Variants in EXD3 observed in about 807,000 individuals in gnomAD.
EXD3 encodes exonuclease mut-7 homolog.
A neutral mutation model predicts 98.0 loss-of-function variants in EXD3; 92 were observed. The ratio of observed to expected loss-of-function variants is 0.94; its 90% confidence interval spans 0.79 to 1.12. EXD3 has a LOEUF of 1.12. Among genes scored for constraint, EXD3 ranks in the 50% most tolerant of loss-of-function variants. The pLI, the probability that EXD3 is intolerant of heterozygous loss-of-function variation, is 0.00. For missense variants in EXD3, 1,222 were observed against 1,191.6 expected, an observed-to-expected ratio of 1.03 and a Z score of -0.38; for synonymous variants, 569 against 526.0, an observed-to-expected ratio of 1.08 and a Z score of -1.12.
chr9:137,395,024 C>T lies in EXD3; in HGVS notation c.55+279G>A, dbSNP rs1045804923. 2.0e-5 allele frequency among the ~76,000 whole-genome samples: 3 copies of T among 152,126 alleles called. No individual in the cohort carries two copies. The highest frequency in any genetic ancestry group is 7.2e-5 in the African/African-American group (3 of 41,434). On this transcript the variant is annotated intron_variant, in intron 2 of 21. Transcript: ENST00000340951. The surrounding 1 kb of genome is among the most constrained non-coding windows in gnomAD (Gnocchi z 6.5). Reference sequence around the variant, plus strand: ...GCCCTGAGCAGCTGCACTGTCCCCGCCACCTCCCCCGGATCCTGTCACAGG... The same window carrying T: ...GCCCTGAGCAGCTGCACTGTCCCCGTCACCTCCCCCGGATCCTGTCACAGG...
chr9:137,422,275 G>T (rs1482671093), intron 1 of EXD3, among the ~76,000 whole-genome samples: 1 of 152,048 alleles, frequency 6.6e-6, no homozygotes, highest in Non-Finnish European at 1.5e-5. Flanking sequence ...ATCAAAAGGG[G>T]GGCAAATGAG....
At chr9:137,402,715 C>T (rs1224769843) in intron 1 of EXD3, among the ~76,000 whole-genome samples, 1 of 152,202 alleles carries the variant, frequency 6.6e-6, no homozygotes, top group African/African-American at 2.4e-5. Context: ...CAGCAATACC[C>T]CACTCCACTG....
rs994107170 is a variant in EXD3, at chr9:137,351,243, C to T, written c.1384+75G>A. 66 of 1,541,552 alleles carry T rather than the reference C, an allele frequency of 4.3e-5. 1 individual carries two copies. Among genetic ancestry groups the T allele is most frequent in the East Asian group, 9.6e-5 (4 of 41,638 alleles). ...CACCCAGCACCCTCCCCGGGGCACA[C>T]GGAGGGAAGGGTCAGGCAGGGGTGC... On this transcript the variant is annotated intron_variant, in intron 13 of 21. Transcript: ENST00000340951.
chr9:137,320,181 C>T (rs1831955804), intron 19 of EXD3, among the ~76,000 whole-genome samples: 1 of 152,246 alleles, frequency 6.6e-6, no homozygotes, highest in Non-Finnish European at 1.5e-5. Context: ...AGGCCCCTGG[C>T]CGGGCAGTCC....
chr9:137,321,435 C>T (rs1832026406), intron 19 of EXD3, among the ~76,000 whole-genome samples: 2 of 152,226 alleles, frequency 1.3e-5, no homozygotes, highest in Non-Finnish European at 2.9e-5. Context: ...GTCATCCCAG[C>T]ACTTTGGGAG....
chr9:137,385,516 AG>A lies in EXD3; in HGVS notation c.56-2140del, dbSNP rs1836544483. On this transcript the variant is annotated intron_variant, in intron 2 of 21. Coordinates refer to ENST00000340951, the MANE Select transcript of EXD3 (RefSeq NM_017820.5). The surrounding 1 kb of genome is among the most constrained non-coding windows in gnomAD (Gnocchi z 4.4). Reference sequence around the variant, plus strand: ...TGGGTTGCACTTCACAATAAACAAAAGAGACTTTTATTTTGTTATTTAAGTT... The same window carrying A: ...TGGGTTGCACTTCACAATAAACAAAAAGACTTTTATTTTGTTATTTAAGTT... Among the ~76,000 whole-genome samples the A allele has an allele frequency of 6.6e-6, 1 of 152,168 alleles. No individual in the cohort carries two copies. The highest frequency in any genetic ancestry group is 2.4e-5 in the African/African-American group (1 of 41,460).
rs201285583 is a variant in EXD3, at chr9:137,323,749, G to A, written c.2160C>T (p.His720=). 150 of 1,612,348 alleles carry A rather than the reference G, an allele frequency of 9.3e-5. No homozygotes were observed. The African/African-American group carries it at 1.4e-3, about 15-fold the overall frequency. The part of the protein sequence containing the change: ...VLKHFNVRVT[H]ADIFSRCQAC... ...CCTGGCAGCGGCTGAAGATGTCTGC[G>A]TGGGTGACACGCACGTTGAAATGCT... Residue 720 remains histidine, a synonymous_variant, in exon 19 of 22, where the codon CAC becomes CAT. Transcript: ENST00000340951.
intron 2 of EXD3, chr9:137,392,903 T>G: frequency 5.5e-5 from 21 of 383,730 alleles, no homozygotes; most frequent in Non-Finnish European, 7.8e-5. Flanking sequence ...GCGGGCACCA[T>G]GTCTGTTCTG....
intron 2 of EXD3, among the ~76,000 whole-genome samples, chr9:137,387,349 C>T (rs895070181): frequency 4.6e-5 from 7 of 152,220 alleles, no homozygotes; most frequent in African/African-American, 1.7e-4. Context: ...TCACAGCCCA[C>T]GCAACTGGGG....
intron 17 of EXD3, chr9:137,343,061 A>T (rs887310656): frequency 1.3e-5 from 2 of 152,396 alleles, no homozygotes; most frequent in African/African-American, 4.8e-5. Context: ...CGGAGGTTGC[A>T]GTGAGCTGAG....
intron 10 of EXD3, chr9:137,353,030 C>A: frequency 1.5e-6 from 2 of 1,336,770 alleles, no homozygotes; most frequent in African/African-American, 1.5e-5. Context: ...CCCCGGCTGG[C>A]CTTCCGGGTC....
At chr9:137,400,322 A>G in intron 1 of EXD3, among the ~76,000 whole-genome samples, 1 of 152,136 alleles carries the variant, frequency 6.6e-6, no homozygotes, top group Non-Finnish European at 1.5e-5. Flanking sequence ...CAGTCCCTCA[A>G]AGTCTCAACT....
At chr9:137,337,300 A>G (rs953512611) in intron 17 of EXD3, among the ~76,000 whole-genome samples, 12 of 152,212 alleles carry the variant, frequency 7.9e-5, no homozygotes, top group African/African-American at 2.7e-4. Context: ...TGAATGTACC[A>G]TCACAGGAAC....
At chr9:137,415,366 G>A (rs1311580845) in intron 1 of EXD3, among the ~76,000 whole-genome samples, 1 of 152,086 alleles carries the variant, frequency 6.6e-6, no homozygotes, top group Non-Finnish European at 1.5e-5. Context: ...GCTAATTTTT[G>A]TAATTTTAGT....
In EXD3 at chr9:137,324,085, C is replaced by A; in HGVS notation, c.2052+5G>T. 1 of 1,585,400 alleles carries A rather than the reference C, an allele frequency of 6.3e-7. No homozygotes were observed. On this transcript the variant is annotated splice_donor_5th_base_variant and intron_variant, in intron 18 of 21. Coordinates refer to ENST00000340951, the MANE Select transcript of EXD3 (RefSeq NM_017820.5). The surrounding 1 kb of genome is among the most constrained non-coding windows in gnomAD (Gnocchi z 4.1). ...GCCCACTGAGCTTATCTTTGGGACA[C>A]TCACCTTGTGGAATGGCTGCCCCGA... is the stretch of plus-strand genomic sequence containing the variant.
intron 7 of EXD3, among the ~76,000 whole-genome samples, chr9:137,363,526 C>T (rs899419843): frequency 2.5e-4 from 38 of 149,880 alleles, no homozygotes; most frequent in Admixed American, 1.1e-3. Flanking sequence ...TTAGTAGAGA[C>T]GGGGTTTCAC....
In EXD3 at chr9:137,354,724, G is replaced by A; in HGVS notation, c.807C>T (p.His269=). 6.2e-7 allele frequency: 1 copy of A among 1,610,946 alleles called. No individual in the cohort carries two copies. Residue 269 remains histidine, a synonymous_variant, in exon 9 of 22, where the codon CAC becomes CAT. Coordinates refer to ENST00000340951, the MANE Select transcript of EXD3 (RefSeq NM_017820.5). ...AIQQRLAALR[H]LCHKRFVEKS... The stretch of plus-strand genomic sequence containing the variant: ...CCTCCACAAACCGCTTGTGGCACAG[G>A]TGCCGCAGGGCCGCCAGGCGCTGCT...
chr9:137,319,445 G>C (rs1831905461), intron 19 of EXD3, among the ~76,000 whole-genome samples: 1 of 152,196 alleles, frequency 6.6e-6, no homozygotes, highest in Non-Finnish European at 1.5e-5. Context: ...GCCGATCAGT[G>C]GTGTTCCCAG....
chr9:137,349,342 G>C lies in EXD3; in HGVS notation c.1657+27C>G. 2 of 1,556,388 alleles carry C rather than the reference G, an allele frequency of 1.3e-6. No homozygotes were observed. Among genetic ancestry groups the C allele is most frequent in the Non-Finnish European group, 1.7e-6 (2 of 1,156,174 alleles). ...GAGGGCGGGAGGGGCGTGAGGAGGG[G>C]TCACTCCCACCCGCCGCACCGCACA... On this transcript the variant is annotated intron_variant, in intron 15 of 21. Transcript: ENST00000340951. This position sits in a 1 kb window ranked among gnomAD's most constrained non-coding sequence, Gnocchi z 7.4.
Sources: allele counts gnomAD v4.1 joint callset (sites outside exome capture counted in the v4.1 genomes callset), GRCh38; gene constraint gnomAD v4.1.1; non-coding constraint Gnocchi (gnomAD v3.1); transcripts MANE v1.5; gene names NCBI Gene and HGNC (gene_info 2026-07-23, HGNC 2026-07-21).